MARCHF1: variants seen among roughly 807,000 people sequenced by gnomAD.
The protein encoded by MARCHF1 is E3 ubiquitin-protein ligase MARCHF1.
Under a neutral mutation model 54.2 loss-of-function variants are expected in MARCHF1, and 40 were observed. The observed-to-expected ratio is 0.74, with a 90% CI of 0.57 to 0.96. The LOEUF (loss-of-function observed/expected upper bound fraction) is 0.96. Ranked by LOEUF, MARCHF1 falls within the 40% of genes least tolerant of loss-of-function variation. The pLI, the probability that MARCHF1 is intolerant of heterozygous loss-of-function variation, is 0.00. For synonymous variants in MARCHF1, 236 were observed against 236.3 expected, an observed-to-expected ratio of 1.00 and a Z score of 0.01; for missense variants, 586 against 656.5, an observed-to-expected ratio of 0.89 and a Z score of 1.17.
At chr4:163,801,196 T>TA in intron 4 of MARCHF1, among the ~76,000 whole-genome samples, 1 of 152,218 alleles carries the variant, frequency 6.6e-6, no homozygotes, top group Middle Eastern at 3.4e-3. Context: ...ACCATTCCTC[T>TA]ACCCATCCAA....
At chr4:163,684,577 A>G (rs1046894786) in intron 5 of MARCHF1, among the ~76,000 whole-genome samples, 2 of 152,120 alleles carry the variant, frequency 1.3e-5, no homozygotes, top group Admixed American at 1.3e-4. Context: ...ATTTTATCTG[A>G]TAACTCCTAT....
At chr4:163,994,980 T>C (rs1412019626) in intron 2 of MARCHF1, among the ~76,000 whole-genome samples, 1 of 152,026 alleles carries the variant, frequency 6.6e-6, no homozygotes, top group African/African-American at 2.4e-5. Flanking sequence ...TAGGTTTTTT[T>C]CCCCACATAC....
At chr4:164,064,677 A>G (rs888883405) in intron 2 of MARCHF1, among the ~76,000 whole-genome samples, 2 of 152,128 alleles carry the variant, frequency 1.3e-5, no homozygotes, top group East Asian at 1.9e-4. Flanking sequence ...AGAACTTCCA[A>G]TACTTTGTTG....
chr4:164,147,009 C>T (rs1202975058), intron 1 of MARCHF1, among the ~76,000 whole-genome samples: 17 of 151,596 alleles, frequency 1.1e-4, no homozygotes, highest in Non-Finnish European at 1.9e-4. Context: ...AAAAAGTGGG[C>T]AAAGGACATG....
chr4:163,692,460 G>A (rs1024928174), intron 5 of MARCHF1, among the ~76,000 whole-genome samples: 1 of 152,122 alleles, frequency 6.6e-6, no homozygotes, highest in African/African-American at 2.4e-5. Context: ...CAGCATGAAG[G>A]GCAAATGCCC....
chr4:164,115,426 A>T (rs2110747915), intron 1 of MARCHF1, among the ~76,000 whole-genome samples: 1 of 152,204 alleles, frequency 6.6e-6, no homozygotes, highest in East Asian at 1.9e-4. Context: ...TGGCAAGGCA[A>T]ATGTGTTCAG....
intron 3 of MARCHF1, among the ~76,000 whole-genome samples, chr4:163,964,536 T>C (rs1752405193): frequency 1.3e-5 from 2 of 152,002 alleles, no homozygotes; most frequent in South Asian, 2.1e-4. Context: ...ATGCTGGCAC[T>C]GTAGGTCAAG....
chr4:164,228,596 C>T (rs1732324355), intron 1 of MARCHF1, among the ~76,000 whole-genome samples: 2 of 152,060 alleles, frequency 1.3e-5, no homozygotes, highest in African/African-American at 4.8e-5. Context: ...GGATATTTGA[C>T]TTTTTAAAAT....
intron 4 of MARCHF1, among the ~76,000 whole-genome samples, chr4:163,764,074 A>G (rs76250701): frequency 6.6e-6 from 1 of 152,168 alleles, no homozygotes; most frequent in African/African-American, 2.4e-5. Flanking sequence ...CAAAGTCTAG[A>G]CTAATTGACT....
chr4:164,049,983 T>A (rs1467445484), intron 2 of MARCHF1, among the ~76,000 whole-genome samples: 1 of 152,136 alleles, frequency 6.6e-6, no homozygotes, highest in Non-Finnish European at 1.5e-5. Context: ...ATATAAAAAA[T>A]GAAGGCCTAG....
intron 4 of MARCHF1, among the ~76,000 whole-genome samples, chr4:163,800,681 A>C (rs78783755): frequency 0.024 from 3,628 of 152,226 alleles, 65 homozygotes; most frequent in East Asian, 0.074. Flanking sequence ...ATCATCTGGT[A>C]CAGAGGCTTT....
At chr4:164,052,937 G>T (rs1272134970) in intron 2 of MARCHF1, among the ~76,000 whole-genome samples, 6 of 152,026 alleles carry the variant, frequency 3.9e-5, no homozygotes, top group Non-Finnish European at 8.8e-5. Context: ...AAAACATGGT[G>T]TTTACATCCA....
intron 2 of MARCHF1, among the ~76,000 whole-genome samples, chr4:164,052,642 G>A (rs1425410460): frequency 1.3e-5 from 2 of 152,126 alleles, no homozygotes; most frequent in Admixed American, 6.5e-5. Context: ...TGACACAGAC[G>A]TACTGTTTGC....
intron 8 of MARCHF1, among the ~76,000 whole-genome samples, chr4:163,579,679 A>G (rs965902196): frequency 1.3e-5 from 2 of 151,938 alleles, no homozygotes; most frequent in African/African-American, 2.4e-5. Flanking sequence ...ATAGAACGGA[A>G]TGAATATGCA....
At chr4:164,189,596 A>C in intron 1 of MARCHF1, 1 of 942,652 alleles carries the variant, frequency 1.1e-6, no homozygotes, top group Non-Finnish European at 1.8e-6. Flanking sequence ...CTCTCTGGTG[A>C]TCAAGATACA....
chr4:163,745,435 C>G (rs889539951), intron 4 of MARCHF1, among the ~76,000 whole-genome samples: 1 of 152,050 alleles, frequency 6.6e-6, no homozygotes, highest in African/African-American at 2.4e-5. Context: ...TTTTAAGGCA[C>G]GTGTAGTAGG....
intron 1 of MARCHF1, among the ~76,000 whole-genome samples, chr4:164,211,082 G>T (rs925911227): frequency 2.0e-5 from 3 of 151,902 alleles, no homozygotes; most frequent in Admixed American, 2.0e-4. Context: ...AAGGGGAGAG[G>T]TTGGTCAAAG....
chr4:164,265,952 A>G (rs796968992), intron 1 of MARCHF1, among the ~76,000 whole-genome samples: 2 of 152,200 alleles, frequency 1.3e-5, no homozygotes, highest in South Asian at 2.1e-4. Flanking sequence ...TTTTAAAATA[A>G]TTGGGAGATT....
chr4:164,357,254 G>C (rs530784539), intron 1 of MARCHF1, among the ~76,000 whole-genome samples: 1 of 152,112 alleles, frequency 6.6e-6, no homozygotes, highest in East Asian at 1.9e-4. Context: ...TTTCGCGACT[G>C]TGAGGGGAGA....
Sources: allele counts gnomAD v4.1 joint callset (sites outside exome capture counted in the v4.1 genomes callset), GRCh38; gene constraint gnomAD v4.1.1; transcripts MANE v1.5; gene names NCBI Gene and HGNC (gene_info 2026-07-23, HGNC 2026-07-21).